MLXIPL: variants seen among roughly 807,000 people sequenced by gnomAD.
MLXIPL encodes carbohydrate-responsive element-binding protein.
Under a neutral mutation model 81.5 loss-of-function variants are expected in MLXIPL, and 49 were observed. The observed-to-expected ratio is 0.60, with a 90% CI of 0.48 to 0.76. The LOEUF (loss-of-function observed/expected upper bound fraction) is 0.76, where lower values mean the gene tolerates loss of function less well. Among genes scored for constraint, MLXIPL ranks in the 30% least tolerant of loss-of-function variants. The pLI, the probability that MLXIPL is intolerant of heterozygous loss-of-function variation, is 0.00. For missense variants in MLXIPL, 1,053 were observed against 1,167.0 expected (o/e 0.90, Z 1.42); for synonymous variants, 466 against 485.5 (o/e 0.96, Z 0.53).
At chr7:73,599,146 C>T (rs1236178272) in intron 8 of MLXIPL, among the ~76,000 whole-genome samples, 2 of 151,674 alleles carry the variant, frequency 1.3e-5, no homozygotes, top group Admixed American at 6.6e-5. Flanking sequence ...TAAACATCCA[C>T]GCTCAGCTTT....
rs970627110 is a variant in MLXIPL at position 73,624,232 on chromosome 7, T to C, written c.261A>G (p.Thr87=). The change falls in exon 1 of 17, where the codon ACA becomes ACG. Residue 87 remains threonine, a synonymous_variant. Transcript: ENST00000313375. Reference sequence around the variant, plus strand: ...CCAGGCTCAAGCACTCGAAGAGGCGTGTGAGTGTGGGGTCGATACTGCGCG... The same window carrying C: ...CCAGGCTCAAGCACTCGAAGAGGCGCGTGAGTGTGGGGTCGATACTGCGCG... The part of the protein sequence containing the change: ...FGPRSIDPTL[T]RLFECLSLAY... The C allele has an allele frequency of 7.2e-7, 1 of 1,381,994 alleles. No individual in the cohort carries two copies. 85.6% of individuals were successfully genotyped at this position (1,381,994 alleles called of 1,614,324 possible).
intron 7 of MLXIPL, among the ~76,000 whole-genome samples, chr7:73,601,215 GTT>G (rs58946268): frequency 6.1e-5 from 9 of 148,532 alleles, no homozygotes; most frequent in African/African-American, 1.7e-4. Context: ...GTGTGTGTGT[GTT>G]TGTGTCTTCA....
chr7:73,597,333 A>G lies in MLXIPL; in HGVS notation c.1452T>C (p.Phe484=). The change falls in exon 9 of 17, where the codon TTT becomes TTC. Residue 484 remains phenylalanine (F), a synonymous_variant. Transcript: ENST00000313375. ...LLPLGYSEPA[F]GPCFSMPRGK... is the part of the protein sequence containing the mutation. Reference sequence around the variant, plus strand: ...CTCTGGGCATGGAGAAGCAAGGCCCAAAGGCAGGCTCCGAATACCCCAAGG... The same window carrying G: ...CTCTGGGCATGGAGAAGCAAGGCCCGAAGGCAGGCTCCGAATACCCCAAGG... The G allele has an allele frequency of 6.5e-7, 1 of 1,548,510 alleles. No homozygotes were observed. Among genetic ancestry groups the G allele is most frequent in the Non-Finnish European group, 8.7e-7 (1 of 1,146,986 alleles).
In MLXIPL at chr7:73,594,399, C is replaced by T; in HGVS notation, c.2315G>A (p.Ser772Asn). The change falls in exon 16 of 17, where the codon AGC becomes AAC. Residue 772 changes from serine to asparagine, a missense_variant. Around this residue, in one of 3 missense-constraint regions of MLXIPL, gnomAD observed 823 missense variants for 933.0 expected, o/e 0.88. Coordinates refer to ENST00000313375, the MANE Select transcript of MLXIPL (RefSeq NM_032951.3). ...TLHNWKFWVF[S>N]ILIRPLFESF... ...CTCAAACAGAGGCCGGATGAGGATG[C>T]TGAACTGGGCCCAGGTCAAGGAGCT... 6.2e-7 allele frequency: 1 copy of T among 1,602,292 alleles called. No homozygotes were observed.
At chr7:73,607,738 G>A (rs1239037766) in intron 2 of MLXIPL, 66 bp from the exon 3 acceptor site, 2 of 1,428,378 alleles carry the variant, frequency 1.4e-6, no homozygotes, top group Non-Finnish European at 2.0e-6. Context: ...CCAGGGGACT[G>A]GGACTCAAGT....
At chr7:73,613,543 A>G (rs1795828279) in intron 2 of MLXIPL, among the ~76,000 whole-genome samples, 1 of 152,180 alleles carries the variant, frequency 6.6e-6, no homozygotes, top group Non-Finnish European at 1.5e-5. Context: ...GGTTGCAGTG[A>G]GCCGAGATCG....
At chr7:73,607,268 C>T (rs1178329488) in intron 4 of MLXIPL, 63 bp downstream of exon 4, 1 of 1,483,172 alleles carries the variant, frequency 6.7e-7, no homozygotes, top group South Asian at 1.2e-5. Flanking sequence ...TCTTCCGAGG[C>T]GGGCGGTAGC....
intron 1 of MLXIPL, among the ~76,000 whole-genome samples, chr7:73,621,495 T>G (rs1276636374): frequency 2.6e-5 from 4 of 151,820 alleles, no homozygotes; most frequent in Non-Finnish European, 5.9e-5. Flanking sequence ...TACTGTCTCT[T>G]CCCATATAGT....
At chr7:73,643,927 T>C in the MLXIPL span, among the ~76,000 whole-genome samples, 1 of 151,836 alleles carries the variant, frequency 6.6e-6, no homozygotes, top group East Asian at 1.9e-4. Context: ...TCACCACCCC[T>C]GGCTAATTTT....
At chr7:73,607,799 T>C (rs1554598864) in intron 2 of MLXIPL, 127 bp from the exon 3 acceptor site, 2 of 703,920 alleles carry the variant, frequency 2.8e-6, no homozygotes, top group Non-Finnish European at 4.9e-6. Context: ...TAAGTGCCCA[T>C]GCTGCCTCCT....
At position 73,624,215 on chromosome 7, in the gene MLXIPL, A is replaced by G; in HGVS notation, c.278T>C (p.Leu93Ser). 6.3e-7 allele frequency: 1 copy of G among 1,590,404 alleles called. No individual in the cohort carries two copies. The highest frequency in any genetic ancestry group is 8.5e-7 in the Non-Finnish European group (1 of 1,169,792). ...DPTLTRLFEC[L>S]SLAYSGKLVS... ...CCGCCCTCACCTGTAGGCCAGGCTC[A>G]AGCACTCGAAGAGGCGTGTGAGTGT... The change falls in exon 1 of 17, where the codon TTG (leucine) becomes TCG (serine). Residue 93 changes from leucine to serine, a missense_variant. Coordinates refer to ENST00000313375, the MANE Select transcript of MLXIPL (RefSeq NM_032951.3).
rs782362749 is a variant in MLXIPL, at chr7:73,594,263, G to A, written c.2440+11C>T. ...GGGTCCCTCTAGCAGGCAGGGAGAT[G>A]GCTCACGTACTTGGCCGGAGAGCGG... On this transcript the variant is annotated intron_variant, in intron 16 of 16. Coordinates refer to ENST00000313375, the MANE Select transcript of MLXIPL (RefSeq NM_032951.3). 6.2e-7 allele frequency: 1 copy of A among 1,611,492 alleles called. No individual in the cohort carries two copies. The highest frequency in any genetic ancestry group is 1.7e-5 in the Admixed American group (1 of 60,002).
chr7:73,596,038 G>T lies in MLXIPL; in HGVS notation c.2059-69C>A. 6.2e-7 allele frequency: 1 copy of T among 1,604,548 alleles called. No individual in the cohort carries two copies. On this transcript the variant is annotated intron_variant, in intron 13 of 16. Coordinates refer to ENST00000313375, the MANE Select transcript of MLXIPL (RefSeq NM_032951.3). This position sits in a 1 kb window ranked among gnomAD's most constrained non-coding sequence, Gnocchi z 4.7. ...TACCCTGGGACCCACTGAGGCACTG[G>T]GATGGGAGGAGGCAAGAGTGTCTGG... is the stretch of plus-strand genomic sequence containing the variant.
chr7:73,624,273 G>T lies in MLXIPL; in HGVS notation c.220C>A (p.Pro74Thr). ...ATACTGCGCGGCCCGAAGTCGGAGGGCCCCACGGACCCCTCCTGGTCGCGC... is the reference window on the plus strand; with the variant it reads ...ATACTGCGCGGCCCGAAGTCGGAGGTCCCCACGGACCCCTCCTGGTCGCGC... Reference protein sequence around the residue: ...RRRDQEGSVGPSDFGPRSIDP... With the variant: ...RRRDQEGSVGTSDFGPRSIDP... Residue 74 changes from proline (P) to threonine (T), a missense_variant, in exon 1 of 17, where the codon CCC becomes ACC. By Grantham distance (38) the Pro-to-Thr change is conservative (BLOSUM62 -1). Transcript: ENST00000313375. The T allele has an allele frequency of 6.3e-7, 1 of 1,591,138 alleles. No homozygotes were observed.
intron 15 of MLXIPL, among the ~76,000 whole-genome samples, chr7:73,594,846 C>CTGTTTTTT (rs1794143177): frequency 6.6e-5 from 7 of 106,722 alleles, no homozygotes; most frequent in Admixed American, 3.0e-4. Context: ...TGTGCTCGGA[C>CTGTTTTTT]TTTTTTTTTT....
intron 1 of MLXIPL, among the ~76,000 whole-genome samples, chr7:73,616,483 C>T (rs570154116): frequency 6.6e-6 from 1 of 152,272 alleles, no homozygotes; most frequent in African/African-American, 2.4e-5. Flanking sequence ...TGTCCAGTGG[C>T]CTCACAGGTG....
Position 73,596,168 on chromosome 7 carries a change from G to C in MLXIPL, c.2043C>G (p.Ala681=), listed in dbSNP as rs371307395. 2 of 1,612,832 alleles carry C rather than the reference G, an allele frequency of 1.2e-6. No homozygotes were observed. Among genetic ancestry groups the C allele is most frequent in the African/African-American group, 2.7e-5 (2 of 74,884 alleles). ...TLHGLVSTLS[A]QPSLKVSKAT... is the part of the protein sequence containing the mutation. ...CGGGGCTCACCTTGAGGCTGGGCTG[G>C]GCACTGAGTGTGCTCACGAGCCCAT... Residue 681 remains alanine (A), a synonymous_variant, in exon 13 of 17, where the codon GCC becomes GCG. Coordinates refer to ENST00000313375, the MANE Select transcript of MLXIPL (RefSeq NM_032951.3). The surrounding 1 kb of genome is among the most constrained non-coding windows in gnomAD (Gnocchi z 4.7).
chr7:73,607,225 C>T lies in MLXIPL; in HGVS notation c.573+106G>A, dbSNP rs555753519. On this transcript the variant is annotated intron_variant, in intron 4 of 16. Transcript: ENST00000313375. Reference sequence around the variant, plus strand: ...GACTGAATGGAGGGCCCGAGGGGCGCAAGCTCGGGGGTCAGGATCCCCTTT... The same window carrying T: ...GACTGAATGGAGGGCCCGAGGGGCGTAAGCTCGGGGGTCAGGATCCCCTTT... 1.4e-5 allele frequency: 18 copies of T among 1,326,748 alleles called. No individual in the cohort carries two copies. The Admixed American group carries it at 2.2e-4, about 16-fold the overall frequency. 82.2% of individuals were successfully genotyped at this position (1,326,748 alleles called of 1,614,324 possible).
At chr7:73,594,517 G>T in intron 15 of MLXIPL, 114 bp from the exon 16 acceptor site, 1 of 1,307,284 alleles carries the variant, frequency 7.6e-7, no homozygotes, top group Non-Finnish European at 1.1e-6. Flanking sequence ...GTCTAACGTT[G>T]AACCCCAATG....
Sources: allele counts gnomAD v4.1 joint callset (sites outside exome capture counted in the v4.1 genomes callset), GRCh38; gene constraint gnomAD v4.1.1; regional missense constraint gnomAD v4.1.1; non-coding constraint Gnocchi (gnomAD v3.1); transcripts MANE v1.5; gene names NCBI Gene and HGNC (gene_info 2026-07-23, HGNC 2026-07-21).